The following IKZF1 variants were observed in gnomAD, a reference collection of about 807,000 sequenced individuals.
IKZF1 encodes DNA-binding protein Ikaros.
In IKZF1, 10 loss-of-function variants were observed where a neutral mutation model predicts 51.7. That is an observed-to-expected ratio of 0.19 (90% CI 0.12 to 0.33). The LOEUF (loss-of-function observed/expected upper bound fraction) is 0.33. Ranked by LOEUF, IKZF1 falls within the 10% of genes least tolerant of loss-of-function variation. The pLI, the probability that IKZF1 is intolerant of heterozygous loss-of-function variation, is 1.00. For missense variants in IKZF1, 484 were observed against 707.5 expected (o/e 0.68, Z 3.58); for synonymous variants, 280 against 282.3 (o/e 0.99, Z 0.08).
At position 50,403,937 on chromosome 7, in the gene IKZF1, T is replaced by C; in HGVS notation, c.*3310T>C. The C allele has an allele frequency of 4.6e-6, 1 of 215,976 alleles. No homozygotes were observed. Among genetic ancestry groups the C allele is most frequent in the Non-Finnish European group, 9.4e-6 (1 of 106,898 alleles). 13.4% of individuals were successfully genotyped at this position (215,976 alleles called of 1,614,324 possible). ...ATCGTGATGCCAGTGTATCCTTCCTTTCTTCAGTTCCAGCAATAATGAATG... is the reference window on the plus strand; with the variant it reads ...ATCGTGATGCCAGTGTATCCTTCCTCTCTTCAGTTCCAGCAATAATGAATG... On this transcript the variant is annotated 3_prime_UTR_variant, in exon 8 of 8. Coordinates refer to ENST00000331340, the MANE Select transcript of IKZF1 (RefSeq NM_006060.6).
At chr7:50,379,224 T>C (rs1249434255) in intron 4 of IKZF1, among the ~76,000 whole-genome samples, 3 of 152,156 alleles carry the variant, frequency 2.0e-5, no homozygotes, top group African/African-American at 7.2e-5. Context: ...AACAGGGCCA[T>C]TCAGAGGGCT....
At chr7:50,345,703 A>G (rs1422771456) in intron 3 of IKZF1, among the ~76,000 whole-genome samples, 3 of 152,228 alleles carry the variant, frequency 2.0e-5, no homozygotes, top group African/African-American at 7.2e-5. Context: ...AAAAAAAGGT[A>G]AAAGATAGAA....
At chr7:50,380,987 G>T (rs1811688941) in intron 4 of IKZF1, among the ~76,000 whole-genome samples, 1 of 152,120 alleles carries the variant, frequency 6.6e-6, no homozygotes, top group South Asian at 2.1e-4. Flanking sequence ...AGCTAATACA[G>T]ATTTCTGTAA....
intron 4 of IKZF1, among the ~76,000 whole-genome samples, chr7:50,380,358 C>T (rs550675350): frequency 1.3e-5 from 2 of 152,234 alleles, no homozygotes; most frequent in Non-Finnish European, 2.9e-5. Context: ...CTGCCCTGCT[C>T]TGCTCTGCAG....
intron 3 of IKZF1, among the ~76,000 whole-genome samples, chr7:50,333,428 G>C (rs1201692966): frequency 2.6e-5 from 4 of 152,138 alleles, no homozygotes; most frequent in Non-Finnish European, 5.9e-5. Context: ...AAAGAAAGCA[G>C]CCGCTCTGGA....
chr7:50,327,875 T>A, intron 3 of IKZF1, 118 bp downstream of exon 3: 2 of 1,179,178 alleles, frequency 1.7e-6, no homozygotes, highest in Non-Finnish European at 2.3e-6. Context: ...AACTGGCATA[T>A]TAAAGAAATA....
intron 3 of IKZF1, among the ~76,000 whole-genome samples, chr7:50,375,260 A>C (rs1165955704): frequency 6.6e-6 from 1 of 152,168 alleles, no homozygotes; most frequent in African/African-American, 2.4e-5. Context: ...TCTCTACAAA[A>C]AACACCAAAA....
At chr7:50,380,677 G>A (rs949829268) in intron 4 of IKZF1, among the ~76,000 whole-genome samples, 2 of 152,152 alleles carry the variant, frequency 1.3e-5, no homozygotes, top group Admixed American at 6.5e-5. Flanking sequence ...AGGCACATCC[G>A]TCTCATGCTG....
At chr7:50,367,871 C>CAG in intron 3 of IKZF1, 3 of 601,674 alleles carry the variant, frequency 5.0e-6, no homozygotes, top group South Asian at 4.1e-5. Context: ...CCAGCAATAG[C>CAG]AGATGAGTAG....
rs1271463285 is a variant in IKZF1 at position 50,382,707 on chromosome 7, G to A, written c.589G>A (p.Val197Ile). The stretch of plus-strand genomic sequence containing the variant: ...CACTGGCCACCTGAGGACGCACTCC[G>A]GTAGGTCCCCTGGATGCAGTCCGGG... Reference protein sequence around the residue: ...ALTGHLRTHSVGKPHKCGYCG... With the variant: ...ALTGHLRTHSIGKPHKCGYCG... The change falls in exon 5 of 8, where the codon GTT (valine) becomes ATT (isoleucine). Residue 197 changes from valine to isoleucine, a missense_variant and splice_region_variant. Physicochemically the swap from Val to Ile is conservative, Grantham distance 29. Around this residue, in one of 6 missense-constraint regions of IKZF1, gnomAD observed 53 missense variants for 167.7 expected, o/e 0.32. Transcript: ENST00000331340. 6.2e-7 allele frequency: 1 copy of A among 1,605,262 alleles called. No individual in the cohort carries two copies. The highest frequency in any genetic ancestry group is 8.5e-7 in the Non-Finnish European group (1 of 1,179,078).
Position 50,356,832 on chromosome 7 carries a change from G to A in IKZF1, c.161-19701G>A, listed in dbSNP as rs552325080. Among the ~76,000 whole-genome samples, 6 of 152,188 alleles carry A rather than the reference G, an allele frequency of 3.9e-5. No homozygotes were observed. In the East Asian group the frequency reaches 7.7e-4, roughly 20 times the overall value. On this transcript the variant is annotated intron_variant, in intron 3 of 7. Coordinates refer to ENST00000331340, the MANE Select transcript of IKZF1 (RefSeq NM_006060.6). Reference sequence around the variant, plus strand: ...GACACACAAGCACAGTGTCACAATCGCTGTGCTTGGGCCCTACCTCCTGGA... The same window carrying A: ...GACACACAAGCACAGTGTCACAATCACTGTGCTTGGGCCCTACCTCCTGGA...
Position 50,400,382 on chromosome 7 carries a change from C to G in IKZF1, c.1315C>G (p.Arg439Gly), listed in dbSNP as rs767538806. Residue 439 changes from arginine to glycine, a missense_variant, in exon 8 of 8, where the codon CGC becomes GGC. By Grantham distance (125) the Arg-to-Gly change is moderately radical. Around this residue, in one of 6 missense-constraint regions of IKZF1, gnomAD observed 72 missense variants for 67.5 expected, o/e 1.07. Coordinates refer to ENST00000331340, the MANE Select transcript of IKZF1 (RefSeq NM_006060.6). The surrounding 1 kb of genome is among the most constrained non-coding windows in gnomAD (Gnocchi z 5.4). ...GGAGCACCGCGCCTACGACCTGCTGCGCGCCGCCTCCGAGAACTCGCAGGA... is the reference window on the plus strand; with the variant it reads ...GGAGCACCGCGCCTACGACCTGCTGGGCGCCGCCTCCGAGAACTCGCAGGA... Reference protein sequence around the residue: ...KEEHRAYDLLRAASENSQDAL... With the variant: ...KEEHRAYDLLGAASENSQDAL... 6.2e-7 allele frequency: 1 copy of G among 1,613,132 alleles called. No individual in the cohort carries two copies. Among genetic ancestry groups the G allele is most frequent in the Non-Finnish European group, 8.5e-7 (1 of 1,179,764 alleles).
intron 5 of IKZF1, among the ~76,000 whole-genome samples, chr7:50,386,030 T>A (rs55864329): frequency 0.037 from 5,630 of 152,318 alleles, 228 homozygotes; most frequent in African/African-American, 0.099. Context: ...ATTTGGATGC[T>A]CTTAACTTTT....
chr7:50,370,237 C>A (rs957958127), intron 3 of IKZF1, among the ~76,000 whole-genome samples: 2 of 152,052 alleles, frequency 1.3e-5, no homozygotes, highest in African/African-American at 4.8e-5. Flanking sequence ...GTTCTGAGTA[C>A]CAAACATTTA....
intron 5 of IKZF1, 143 bp downstream of exon 5, chr7:50,382,850 C>T: frequency 9.2e-7 from 1 of 1,081,510 alleles, no homozygotes; most frequent in Non-Finnish European, 1.3e-6. Flanking sequence ...TGAGCTGTTG[C>T]TTCTTTGACA....
At chr7:50,347,204 T>G (rs746047412) in intron 3 of IKZF1, among the ~76,000 whole-genome samples, 4 of 152,224 alleles carry the variant, frequency 2.6e-5, no homozygotes, top group Non-Finnish European at 5.9e-5. Context: ...AGATGCTATT[T>G]CCACAGCTCC....
intron 3 of IKZF1, among the ~76,000 whole-genome samples, chr7:50,332,272 T>C (rs1796591896): frequency 1.3e-5 from 2 of 152,242 alleles, no homozygotes; most frequent in African/African-American, 4.8e-5. Flanking sequence ...TTTCTTCCCG[T>C]ATTCAGTAAT....
At chr7:50,362,850 C>T (rs1246022851) in intron 3 of IKZF1, among the ~76,000 whole-genome samples, 2 of 152,088 alleles carry the variant, frequency 1.3e-5, no homozygotes, top group Admixed American at 1.3e-4. Flanking sequence ...TGCCTGAAAG[C>T]AAGGTCCCCA....
At position 50,402,257 on chromosome 7, in the gene IKZF1, G is replaced by A. The variant is rs1325195386; in HGVS notation, c.*1630G>A. The A allele has an allele frequency of 4.3e-6, 1 of 230,786 alleles. No individual in the cohort carries two copies. Among genetic ancestry groups the A allele is most frequent in the Non-Finnish European group, 8.6e-6 (1 of 116,484 alleles). 14.3% of individuals were successfully genotyped at this position (230,786 alleles called of 1,614,324 possible). On this transcript the variant is annotated 3_prime_UTR_variant, in exon 8 of 8. Transcript: ENST00000331340. Reference sequence around the variant, plus strand: ...CAACACTGTCCCAAGGTGAAATGAAGCAACAGAGAGGAAATTGTACATAAG... The same window carrying A: ...CAACACTGTCCCAAGGTGAAATGAAACAACAGAGAGGAAATTGTACATAAG...
Sources: allele counts gnomAD v4.1 joint callset (sites outside exome capture counted in the v4.1 genomes callset), GRCh38; gene constraint gnomAD v4.1.1; regional missense constraint gnomAD v4.1.1; non-coding constraint Gnocchi (gnomAD v3.1); transcripts MANE v1.5; gene names NCBI Gene and HGNC (gene_info 2026-07-23, HGNC 2026-07-21).